CADPS2: variants seen among roughly 807,000 people sequenced by gnomAD.
CADPS2 encodes calcium-dependent secretion activator 2.
A neutral mutation model predicts 172.5 loss-of-function variants in CADPS2; 93 were observed. The ratio of observed to expected loss-of-function variants is 0.54; its 90% CI spans 0.46 to 0.64. The LOEUF (loss-of-function observed/expected upper bound fraction) is 0.64. Among genes scored for constraint, CADPS2 ranks in the 30% least tolerant of loss-of-function variants. CADPS2 has a pLI of 0.00. For synonymous variants in CADPS2, 546 were observed against 555.2 expected, an observed-to-expected ratio of 0.98 and a Z score of 0.23; for missense variants, 1,420 against 1,565.9, an observed-to-expected ratio of 0.91 and a Z score of 1.57.
intron 8 of CADPS2, among the ~76,000 whole-genome samples, chr7:122,532,324 T>C (rs1484249918): frequency 5.3e-5 from 8 of 152,192 alleles, no homozygotes; most frequent in Admixed American, 5.2e-4. Context: ...CTATTGCTAA[T>C]GTAGGTAACT....
At chr7:122,345,918 C>CTTTTTTTTTTTTTTTTTT (rs71159791) in intron 27 of CADPS2, among the ~76,000 whole-genome samples, 16 of 138,752 alleles carry the variant, frequency 1.2e-4, no homozygotes, top group Non-Finnish European at 1.7e-4. Flanking sequence ...CCGTAGATAT[C>CTTTTTTTTTTTTTTTTTT]TTTTTTTTTT....
chr7:122,792,647 T>C lies in CADPS2; in HGVS notation c.340-55579A>G, dbSNP rs535519287. Among the ~76,000 whole-genome samples the C allele has an allele frequency of 9.2e-5, 14 of 152,340 alleles. No individual in the cohort carries two copies. The South Asian group carries it at 1.9e-3, about 20-fold the overall frequency. On this transcript the variant is annotated intron_variant, in intron 1 of 29. Coordinates refer to ENST00000449022, the MANE Select transcript of CADPS2 (RefSeq NM_017954.11). ...AAACTTATTTAGTAGTATGTCATTA[T>C]AGATTTCAAGTACATTAGATTTGCT... is the stretch of plus-strand genomic sequence containing the variant.
chr7:122,495,514 T>C (rs1277509910), intron 9 of CADPS2, among the ~76,000 whole-genome samples: 1 of 152,216 alleles, frequency 6.6e-6, no homozygotes, highest in Non-Finnish European at 1.5e-5. Context: ...CATCTTGATA[T>C]AAATATTGTT....
At chr7:122,668,053 C>A (rs535744945) in intron 2 of CADPS2, among the ~76,000 whole-genome samples, 2 of 152,136 alleles carry the variant, frequency 1.3e-5, no homozygotes, top group South Asian at 4.1e-4. Flanking sequence ...CAAGGGTAGA[C>A]AACAAGTGAC....
chr7:122,379,312 T>G, intron 25 of CADPS2, 56 bp downstream of exon 25: 1 of 1,096,158 alleles, frequency 9.1e-7, no homozygotes, highest in South Asian at 1.5e-5. Context: ...CATTAAAAAA[T>G]TCTCCATTGA....
chr7:122,838,469 G>C (rs1289724987), intron 1 of CADPS2, among the ~76,000 whole-genome samples: 1 of 152,162 alleles, frequency 6.6e-6, no homozygotes, highest in Non-Finnish European at 1.5e-5. Flanking sequence ...TACTCAATTA[G>C]GAAAAGGGAA....
intron 2 of CADPS2, among the ~76,000 whole-genome samples, chr7:122,721,642 C>T (rs985116579): frequency 2.0e-5 from 3 of 152,132 alleles, no homozygotes; most frequent in African/African-American, 4.8e-5. Context: ...CCTTCCGAAA[C>T]TATTCCAATC....
chr7:122,777,161 A>G (rs1427853545), intron 1 of CADPS2, among the ~76,000 whole-genome samples: 1 of 152,156 alleles, frequency 6.6e-6, no homozygotes, highest in Non-Finnish European at 1.5e-5. Context: ...AAAAAATAAT[A>G]ATAATTAAGT....
chr7:122,460,718 A>T (rs12706416), intron 14 of CADPS2, among the ~76,000 whole-genome samples: 17,122 of 152,236 alleles, frequency 0.11, 1,248 homozygotes, highest in Middle Eastern at 0.2. Flanking sequence ...TAAAAGATCT[A>T]AGGAAACAAA....
intron 6 of CADPS2, among the ~76,000 whole-genome samples, chr7:122,606,923 T>C (rs2073640308): frequency 6.6e-6 from 1 of 152,024 alleles, no homozygotes; most frequent in Non-Finnish European, 1.5e-5. Context: ...GGCGAGGGAA[T>C]GTTGTGATGT....
intron 8 of CADPS2, among the ~76,000 whole-genome samples, chr7:122,520,202 A>G (rs1470625430): frequency 6.6e-6 from 1 of 152,084 alleles, no homozygotes; most frequent in Non-Finnish European, 1.5e-5. Flanking sequence ...TTTAGTACCA[A>G]TAAAATGGTT....
chr7:122,602,382 T>C (rs2072916546), intron 6 of CADPS2, among the ~76,000 whole-genome samples: 1 of 151,996 alleles, frequency 6.6e-6, no homozygotes, highest in African/African-American at 2.4e-5. Context: ...AACGTGTATA[T>C]ACAGAAACAC....
chr7:122,616,816 A>G (rs2074980113), intron 5 of CADPS2, among the ~76,000 whole-genome samples: 1 of 152,160 alleles, frequency 6.6e-6, no homozygotes, highest in East Asian at 1.9e-4. Context: ...TTTGTTAGTA[A>G]TATGGAAATT....
chr7:122,705,544 A>T (rs13307854), intron 2 of CADPS2, among the ~76,000 whole-genome samples: 1 of 120,118 alleles, frequency 8.3e-6, no homozygotes, highest in Admixed American at 1.1e-4. Flanking sequence ...TATATTATAT[A>T]TTATATATAT....
In CADPS2 at chr7:122,672,409, T is replaced by C. The variant is rs73220278; in HGVS notation, c.454-8840A>G. Among the ~76,000 whole-genome samples, 1,196 of 152,278 alleles carry C rather than the reference T, an allele frequency of 7.9e-3. 6 individuals carry two copies. Among genetic ancestry groups the C allele is most frequent in the Middle Eastern group, 0.017 (5 of 294 alleles). Reference sequence around the variant, plus strand: ...CACCATGCTGGTGTCGAAGCTGTCATGGGAATTCCTTACATTGACAAACTC... The same window carrying C: ...CACCATGCTGGTGTCGAAGCTGTCACGGGAATTCCTTACATTGACAAACTC... On this transcript the variant is annotated intron_variant, in intron 2 of 29. Transcript: ENST00000449022.
intron 2 of CADPS2, among the ~76,000 whole-genome samples, chr7:122,664,865 G>A (rs2081018114): frequency 6.6e-6 from 1 of 151,888 alleles, no homozygotes; most frequent in South Asian, 2.1e-4. Flanking sequence ...GCTCACTGCA[G>A]CCTTGACATC....
At chr7:122,384,149 C>A (rs1372047499) in intron 24 of CADPS2, among the ~76,000 whole-genome samples, 1 of 152,096 alleles carries the variant, frequency 6.6e-6, no homozygotes, top group African/African-American at 2.4e-5. Context: ...GCAGATCATT[C>A]ACCCACTAAT....
chr7:122,522,032 C>T (rs750692062), intron 8 of CADPS2, among the ~76,000 whole-genome samples: 2 of 152,160 alleles, frequency 1.3e-5, no homozygotes, highest in Admixed American at 6.5e-5. Flanking sequence ...AAACCCCATT[C>T]CACCCTCAGA....
intron 14 of CADPS2, among the ~76,000 whole-genome samples, chr7:122,458,545 C>G (rs2054065014): frequency 6.6e-6 from 1 of 152,058 alleles, no homozygotes. Flanking sequence ...AGATGAAATT[C>G]TGAAATATGT....
Sources: allele counts gnomAD v4.1 joint callset (sites outside exome capture counted in the v4.1 genomes callset), GRCh38; gene constraint gnomAD v4.1.1; transcripts MANE v1.5; gene names NCBI Gene and HGNC (gene_info 2026-07-23, HGNC 2026-07-21).